ESYT3: variants seen among roughly 807,000 people sequenced by gnomAD.
The protein encoded by ESYT3 is extended synaptotagmin 3.
ESYT3 carries 101 observed loss-of-function variants against 111.5 expected under a neutral mutation model. That is an observed-to-expected ratio of 0.91 (90% CI 0.77 to 1.07). The LOEUF (loss-of-function observed/expected upper bound fraction) is 1.07. ESYT3 is among the 50% of genes least tolerant of loss of function. ESYT3 has a pLI of 0.00. For synonymous variants in ESYT3, 416 were observed against 446.8 expected, an observed-to-expected ratio of 0.93 and a Z score of 0.87; for missense variants, 1,097 against 1,109.4, an observed-to-expected ratio of 0.99 and a Z score of 0.16.
intron 9 of ESYT3, 41 bp downstream of exon 9, chr3:138,464,556 C>A: frequency 1.2e-6 from 2 of 1,607,644 alleles, no homozygotes; most frequent in South Asian, 2.2e-5. Context: ...CACTCTGAGT[C>A]ATGCTGGGCA....
chr3:138,471,676 G>A (rs777548228), intron 17 of ESYT3, among the ~76,000 whole-genome samples: 5 of 152,192 alleles, frequency 3.3e-5, no homozygotes, highest in Non-Finnish European at 7.3e-5. Flanking sequence ...TATGTTCAGT[G>A]TTCCTTTATG....
chr3:138,476,385 C>G (rs540033221), intron 21 of ESYT3, 57 bp downstream of exon 21: 1 of 1,602,822 alleles, frequency 6.2e-7, no homozygotes, highest in South Asian at 1.1e-5. Flanking sequence ...CGCCTTATCC[C>G]AATTTCTTTC....
Position 138,470,149 on chromosome 3 carries a change from T to C in ESYT3, c.1590+3T>C. Reference sequence around the variant, plus strand: ...CCACTGAGCGGCTCCATCTGAAGGTTTGATGGAAGAAGGGCTCTTGAAACA... The same window carrying C: ...CCACTGAGCGGCTCCATCTGAAGGTCTGATGGAAGAAGGGCTCTTGAAACA... On this transcript the variant is annotated splice_donor_region_variant and intron_variant, in intron 16 of 22. Transcript: ENST00000389567. The C allele has an allele frequency of 1.2e-6, 2 of 1,610,772 alleles. No homozygotes were observed. Among genetic ancestry groups the C allele is most frequent in the Non-Finnish European group, 1.7e-6 (2 of 1,177,878 alleles).
At chr3:138,455,404 C>A in intron 3 of ESYT3, 76 bp downstream of exon 3, 1 of 1,544,908 alleles carries the variant, frequency 6.5e-7, no homozygotes, top group South Asian at 1.2e-5. Context: ...CCACCTTTCT[C>A]CCACCCAGGT....
intron 1 of ESYT3, among the ~76,000 whole-genome samples, chr3:138,451,143 C>T (rs1390656277): frequency 6.6e-6 from 1 of 152,252 alleles, no homozygotes; most frequent in African/African-American, 2.4e-5. Flanking sequence ...ACAGGTCAGC[C>T]AACAGGACTG....
intron 1 of ESYT3, among the ~76,000 whole-genome samples, chr3:138,449,038 A>G (rs1462352579): frequency 6.8e-6 from 1 of 146,692 alleles, no homozygotes; most frequent in Non-Finnish European, 1.5e-5. Flanking sequence ...CAGCTTAATC[A>G]TTGTGGGCCT....
chr3:138,442,937 TAAGC>T (rs1055584699), intron 1 of ESYT3, among the ~76,000 whole-genome samples: 23 of 152,220 alleles, frequency 1.5e-4, no homozygotes, highest in African/African-American at 5.3e-4. Context: ...GCTATTTTGA[TAAGC>T]AAGAGGATAA....
chr3:138,474,133 ACT>A (rs1405773435), intron 19 of ESYT3, 86 bp from the exon 20 acceptor site: 1 of 1,527,318 alleles, frequency 6.5e-7, no homozygotes, highest in Non-Finnish European at 8.8e-7. Flanking sequence ...AGTGTTTGAA[ACT>A]CTCAAACACT....
chr3:138,480,898 G>A (rs1203771021), downstream of ESYT3: 1 of 152,090 alleles, frequency 6.6e-6, no homozygotes, highest in African/African-American at 2.4e-5. Context: ...GGAGCCAACT[G>A]GGCCAAAAGA....
chr3:138,454,777 C>T (rs1342518308), intron 2 of ESYT3, among the ~76,000 whole-genome samples: 1 of 152,164 alleles, frequency 6.6e-6, no homozygotes, highest in Non-Finnish European at 1.5e-5. Flanking sequence ...AAATGAAATC[C>T]ACAGGAAACA....
At chr3:138,454,778 A>G (rs184648673) in intron 2 of ESYT3, among the ~76,000 whole-genome samples, 1 of 152,290 alleles carries the variant, frequency 6.6e-6, no homozygotes, top group Admixed American at 6.5e-5. Flanking sequence ...AATGAAATCC[A>G]CAGGAAACAA....
intron 10 of ESYT3, 30 bp from the exon 11 acceptor site, chr3:138,467,531 G>C: frequency 6.2e-7 from 1 of 1,613,530 alleles, no homozygotes; most frequent in Admixed American, 1.7e-5. Context: ...CCTCTGAGCT[G>C]ACCCAATCCC....
chr3:138,438,878 C>T (rs906393881), intron 1 of ESYT3, among the ~76,000 whole-genome samples: 4 of 152,280 alleles, frequency 2.6e-5, no homozygotes, highest in African/African-American at 7.2e-5. Context: ...TGTGGCCTGA[C>T]GACATGGGGA....
At chr3:138,460,968 G>C (rs547904567) in intron 7 of ESYT3, among the ~76,000 whole-genome samples, 66 of 152,276 alleles carry the variant, frequency 4.3e-4, no homozygotes, top group African/African-American at 1.5e-3. Context: ...CCTGGTGCAG[G>C]GGGAGAGTGG....
At chr3:138,438,106 C>T (rs1215541929) in intron 1 of ESYT3, among the ~76,000 whole-genome samples, 3 of 152,204 alleles carry the variant, frequency 2.0e-5, no homozygotes, top group Non-Finnish European at 2.9e-5. Flanking sequence ...GGGGGCAGCA[C>T]GGCCCCTTGC....
At position 138,465,378 on chromosome 3, in the gene ESYT3, G is replaced by T; in HGVS notation, c.1126G>T (p.Asp376Tyr). 6.3e-7 allele frequency: 1 copy of T among 1,597,486 alleles called. No homozygotes were observed. The highest frequency in any genetic ancestry group is 8.5e-7 in the Non-Finnish European group (1 of 1,172,532). ...YEVPGQDLEV[D>Y]LYDEDTDRDD... is the part of the protein sequence containing the mutation. Reference sequence around the variant, plus strand: ...AGTCCCTGGACAGGACCTGGAGGTAGACCTGTATGATGAGGATACCGACAG... The same window carrying T: ...AGTCCCTGGACAGGACCTGGAGGTATACCTGTATGATGAGGATACCGACAG... The change falls in exon 10 of 23, where the codon GAC becomes TAC. Residue 376 changes from aspartate (D) to tyrosine (Y), a missense_variant. Transcript: ENST00000389567.
Position 138,462,839 on chromosome 3 carries a change from T to G in ESYT3, c.915+633T>G, listed in dbSNP as rs140299567. Among the ~76,000 whole-genome samples, 605 of 152,142 alleles carry G rather than the reference T, an allele frequency of 4.0e-3. 4 individuals are homozygous for G. The highest frequency in any genetic ancestry group is 0.014 in the African/African-American group (582 of 41,506). On this transcript the variant is annotated intron_variant, in intron 8 of 22. Coordinates refer to ENST00000389567, the MANE Select transcript of ESYT3 (RefSeq NM_031913.5). The stretch of plus-strand genomic sequence containing the variant: ...TACCACGCCTGGCTAATTTTTGTAT[T>G]TTTTGTAGAGACAGAGTTTTGCCAC...
rs1469325906 is a variant in ESYT3 at position 138,455,329 on chromosome 3, G to A, written c.504+1G>A. On this transcript the variant is annotated splice_donor_variant, in intron 3 of 22. Transcript: ENST00000389567. LOFTEE classifies it high-confidence loss of function. ...TACCAAGCTCTACTTTGGACAGAAG[G>A]TGGGTGTGTCTCGGGAGGGTCAGCC... 6.2e-7 allele frequency: 1 copy of A among 1,614,088 alleles called. No individual in the cohort carries two copies. The highest frequency in any genetic ancestry group is 1.7e-5 in the Admixed American group (1 of 60,028).
chr3:138,434,907 A>G lies in ESYT3; in HGVS notation c.109A>G (p.Thr37Ala), dbSNP rs768108006. 1 of 1,551,216 alleles carries G rather than the reference A, an allele frequency of 6.4e-7. No individual in the cohort carries two copies. Among genetic ancestry groups the G allele is most frequent in the South Asian group, 1.2e-5 (1 of 84,042 alleles). ...LSSQLLPELC[T>A]FVVRVLFYLG... ...CAGCCAGCTGCTGCCCGAGCTCTGT[A>G]CCTTCGTGGTGCGCGTGCTGTTCTA... Residue 37 changes from threonine to alanine, a missense_variant, in exon 1 of 23, where the codon ACC (threonine) becomes GCC (alanine). Coordinates refer to ENST00000389567, the MANE Select transcript of ESYT3 (RefSeq NM_031913.5).
Sources: gnomAD v4.1 joint callset for allele counts (sites outside exome capture counted in the v4.1 genomes callset) on GRCh38, gnomAD v4.1.1 for gene constraint, MANE v1.5 for transcripts, NCBI Gene and HGNC (gene_info 2026-07-23, HGNC 2026-07-21) for gene names.